Variants in MOB3B observed in about 807,000 individuals in gnomAD.
MOB3B encodes MOB kinase activator 3B, also known as MOB kinase activator-like 2B.
In MOB3B, 7 loss-of-function variants were observed where a neutral mutation model predicts 18.7. That is an observed-to-expected ratio of 0.37 (90% CI 0.21 to 0.70). The LOEUF (loss-of-function observed/expected upper bound fraction) is 0.70. Among genes scored for constraint, MOB3B ranks in the 30% least tolerant of loss-of-function variants. The pLI, the probability that MOB3B is intolerant of heterozygous loss-of-function variation, is 0.52. For missense variants in MOB3B, 253 were observed against 281.3 expected (o/e 0.90, Z 0.72); for synonymous variants, 111 against 99.9 (o/e 1.11, Z -0.66).
intron 2 of MOB3B, among the ~76,000 whole-genome samples, chr9:27,417,698 G>A (rs1822174384): frequency 6.6e-6 from 1 of 152,114 alleles, no homozygotes; most frequent in African/African-American, 2.4e-5. Context: ...GTTTATTGAG[G>A]ACTCACAAGT....
At chr9:27,517,381 G>T (rs1820251821) in intron 1 of MOB3B, among the ~76,000 whole-genome samples, 1 of 152,048 alleles carries the variant, frequency 6.6e-6, no homozygotes, top group Admixed American at 6.5e-5. Flanking sequence ...GCTGGGTGTG[G>T]TGGCTCACAC....
rs1004395928 is a variant in MOB3B, at chr9:27,325,352, A to G, written c.*5235T>C. ...TTATAGTCAAATGCTTAATACAATC[A>G]TAAATGGAACCAAAAATATAGTAAA... is the stretch of plus-strand genomic sequence containing the variant. On this transcript the variant is annotated 3_prime_UTR_variant, in exon 4 of 4. Transcript: ENST00000262244. 6.6e-6 allele frequency: 1 copy of G among 152,246 alleles called. No homozygotes were observed. The highest frequency in any genetic ancestry group is 1.5e-5 in the Non-Finnish European group (1 of 68,042). The allele number at this position is 152,246 out of a possible 1,614,324, so 9.4% of individuals were successfully genotyped here.
intron 2 of MOB3B, among the ~76,000 whole-genome samples, chr9:27,384,655 G>A (rs1416930159): frequency 6.6e-6 from 1 of 152,172 alleles, no homozygotes. Context: ...ACGTGCTTTA[G>A]GACTGGAAGG....
chr9:27,370,848 C>T (rs1455378447), intron 2 of MOB3B, among the ~76,000 whole-genome samples: 3 of 152,220 alleles, frequency 2.0e-5, no homozygotes, highest in African/African-American at 7.2e-5. Context: ...ACTCCAAGCA[C>T]TGGCCCTTGA....
intron 2 of MOB3B, among the ~76,000 whole-genome samples, chr9:27,420,582 T>C (rs1409861225): frequency 8.1e-6 from 1 of 124,112 alleles, no homozygotes; most frequent in East Asian, 2.4e-4. Context: ...TATATATATA[T>C]ATATATATAT....
At chr9:27,440,754 C>T in intron 2 of MOB3B, among the ~76,000 whole-genome samples, 1 of 151,760 alleles carries the variant, frequency 6.6e-6, no homozygotes, top group Admixed American at 6.6e-5. Context: ...GATCAATTAG[C>T]ATCTTTCCTT....
At chr9:27,334,460 G>A (rs1820834530) in intron 3 of MOB3B, among the ~76,000 whole-genome samples, 1 of 152,152 alleles carries the variant, frequency 6.6e-6, no homozygotes, top group African/African-American at 2.4e-5. Flanking sequence ...TAGTTTTTGT[G>A]GGGACGGTGG....
intron 2 of MOB3B, chr9:27,421,096 A>ATTT: frequency 6.8e-6 from 1 of 146,224 alleles, no homozygotes. Flanking sequence ...TCTCACCTCC[A>ATTT]TTTTTTTTTT....
chr9:27,467,242 C>T (rs1234933258), intron 1 of MOB3B, among the ~76,000 whole-genome samples: 1 of 152,194 alleles, frequency 6.6e-6, no homozygotes, highest in African/African-American at 2.4e-5. Flanking sequence ...TGAGTCCAGA[C>T]TCTGCCCCTT....
intron 1 of MOB3B, among the ~76,000 whole-genome samples, chr9:27,469,614 C>A (rs1001835537): frequency 1.3e-5 from 2 of 152,236 alleles, no homozygotes; most frequent in Middle Eastern, 3.4e-3. Flanking sequence ...TTATTAAAAA[C>A]AAAAACAAAC....
chr9:27,436,725 T>C (rs1048121393), intron 2 of MOB3B, among the ~76,000 whole-genome samples: 1 of 152,166 alleles, frequency 6.6e-6, no homozygotes, highest in Non-Finnish European at 1.5e-5. Flanking sequence ...ATGATTAATA[T>C]AAATGAATAA....
intron 2 of MOB3B, among the ~76,000 whole-genome samples, 180 bp downstream of exon 2, chr9:27,454,953 T>C (rs1822847597): frequency 2.0e-5 from 3 of 152,152 alleles, no homozygotes; most frequent in South Asian, 2.1e-4. Context: ...AAAATAAATG[T>C]AAGTGGTCCA....
At chr9:27,522,043 C>T (rs1820340008) in intron 1 of MOB3B, among the ~76,000 whole-genome samples, 1 of 151,650 alleles carries the variant, frequency 6.6e-6, no homozygotes, top group Non-Finnish European at 1.5e-5. Context: ...GAGATCGAGA[C>T]CGTCGTCGCC....
chr9:27,434,250 C>T (rs7032869), intron 2 of MOB3B, among the ~76,000 whole-genome samples: 2,971 of 152,274 alleles, frequency 0.02, 59 homozygotes, highest in African/African-American at 0.048. Flanking sequence ...ATATACTTGT[C>T]TTTCCTGCCC....
intron 2 of MOB3B, among the ~76,000 whole-genome samples, chr9:27,406,850 T>C (rs1410340505): frequency 1.3e-5 from 2 of 152,154 alleles, no homozygotes; most frequent in South Asian, 2.1e-4. Flanking sequence ...TTTTTCTTTT[T>C]TTTTTTTAGA....
intron 2 of MOB3B, among the ~76,000 whole-genome samples, chr9:27,396,547 TC>T (rs1289232874): frequency 6.6e-6 from 1 of 152,200 alleles, no homozygotes; most frequent in Non-Finnish European, 1.5e-5. Flanking sequence ...CCTTGTTTTT[TC>T]TTCCTTTCTA....
At chr9:27,330,698 G>A (rs907419869) in intron 3 of MOB3B, 82 bp from the exon 4 acceptor site, 14 of 1,580,142 alleles carry the variant, frequency 8.9e-6, no homozygotes, top group Non-Finnish European at 1.1e-5. Context: ...AAATGCTCTT[G>A]GAATCTCGAG....
intron 1 of MOB3B, among the ~76,000 whole-genome samples, chr9:27,520,390 G>C (rs892013750): frequency 6.6e-6 from 1 of 152,242 alleles, no homozygotes; most frequent in Non-Finnish European, 1.5e-5. Context: ...TGGAAACCAT[G>C]TTAGCATGTC....
At chr9:27,356,962 C>T (rs1821198149) in intron 3 of MOB3B, among the ~76,000 whole-genome samples, 1 of 151,120 alleles carries the variant, frequency 6.6e-6, no homozygotes, top group Admixed American at 6.6e-5. Context: ...ATTTGTCCAA[C>T]TGCATTCAGA....
Sources: allele counts gnomAD v4.1 joint callset (sites outside exome capture counted in the v4.1 genomes callset), GRCh38; gene constraint gnomAD v4.1.1; transcripts MANE v1.5; gene names NCBI Gene and HGNC (gene_info 2026-07-23, HGNC 2026-07-21).